Variants in TMEM135 observed in about 807,000 individuals in gnomAD.
The protein encoded by TMEM135 is transmembrane protein 135.
TMEM135 carries 30 observed loss-of-function variants against 60.3 expected under a neutral mutation model. The ratio of observed to expected loss-of-function variants is 0.50; its 90% CI spans 0.37 to 0.68. TMEM135 has a LOEUF of 0.68. TMEM135 is among the 30% of genes least tolerant of loss of function. The probability of loss-of-function intolerance (pLI) is 0.00; values close to 1 mark genes in which losing one functional copy is unlikely to be tolerated. For missense variants in TMEM135, 468 were observed against 548.8 expected (o/e 0.85, Z 1.47); for synonymous variants, 190 against 186.7 (o/e 1.02, Z -0.14).
chr11:87,308,973 C>G (rs1358347773), intron 9 of TMEM135, among the ~76,000 whole-genome samples: 2 of 152,094 alleles, frequency 1.3e-5, no homozygotes, highest in African/African-American at 4.8e-5. Context: ...AATTCTGCAC[C>G]CCCTGCCCCC....
chr11:87,111,059 T>C (rs1857731602), intron 4 of TMEM135, among the ~76,000 whole-genome samples: 1 of 150,462 alleles, frequency 6.6e-6, no homozygotes, highest in Non-Finnish European at 1.5e-5. Flanking sequence ...AAATAAGTCA[T>C]TGTTGAAGTC....
intron 14 of TMEM135, 68 bp downstream of exon 14, chr11:87,319,445 C>T (rs1942786326): frequency 4.3e-6 from 5 of 1,159,262 alleles, no homozygotes; most frequent in Admixed American, 3.5e-5. Flanking sequence ...AATATTCTTT[C>T]AGTGGTAAAG....
intron 4 of TMEM135, among the ~76,000 whole-genome samples, chr11:87,150,613 T>C (rs1173316321): frequency 6.6e-6 from 1 of 152,242 alleles, no homozygotes; most frequent in African/African-American, 2.4e-5. Flanking sequence ...CCTTATGTTT[T>C]TTTCATAGTT....
chr11:87,306,067 T>A, intron 9 of TMEM135, 62 bp downstream of exon 9: 7 of 947,752 alleles, frequency 7.4e-6, no homozygotes, highest in East Asian at 2.9e-5. Flanking sequence ...ATTATTTATT[T>A]ATTTAGAAAT....
rs763080911 is a variant in TMEM135 at position 87,321,396 on chromosome 11, A to G, written c.*63A>G. The G allele has an allele frequency of 2.2e-5, 34 of 1,578,330 alleles. No individual in the cohort carries two copies. In the Admixed American group the frequency reaches 5.5e-4, roughly 26 times the overall value. ...TCTTGAAGAGTTAATTATGTTGAAC[A>G]CAAAGGAGGGGGCCCAAGCTCGAAC... On this transcript the variant is annotated 3_prime_UTR_variant, in exon 15 of 15. Coordinates refer to ENST00000305494, the MANE Select transcript of TMEM135 (RefSeq NM_022918.4).
chr11:87,140,303 G>A (rs977262753), intron 4 of TMEM135, among the ~76,000 whole-genome samples: 19 of 152,196 alleles, frequency 1.2e-4, no homozygotes, highest in South Asian at 2.1e-4. Flanking sequence ...TCCTGACCTC[G>A]TGATCCGCCT....
intron 5 of TMEM135, among the ~76,000 whole-genome samples, chr11:87,211,884 C>T (rs1940378628): frequency 6.6e-6 from 1 of 151,694 alleles, no homozygotes; most frequent in Admixed American, 6.6e-5. Context: ...GTGGAGCTTG[C>T]AGTGAGCCGA....
chr11:87,200,814 T>A (rs1326753008), intron 5 of TMEM135, among the ~76,000 whole-genome samples: 1 of 152,212 alleles, frequency 6.6e-6, no homozygotes, highest in Non-Finnish European at 1.5e-5. Context: ...ATTGATCTTT[T>A]CACTGTCTTC....
intron 3 of TMEM135, among the ~76,000 whole-genome samples, chr11:87,073,671 TA>T (rs933868884): frequency 1.3e-5 from 2 of 152,090 alleles, no homozygotes; most frequent in African/African-American, 4.8e-5. Flanking sequence ...TTGTTTATTT[TA>T]TTTTTTTTTT....
chr11:87,196,887 A>G (rs1939973243), intron 5 of TMEM135, among the ~76,000 whole-genome samples: 1 of 152,174 alleles, frequency 6.6e-6, no homozygotes, highest in African/African-American at 2.4e-5. Context: ...AATTTAAATT[A>G]CTTTAAGAAT....
intron 4 of TMEM135, among the ~76,000 whole-genome samples, chr11:87,124,566 T>G (rs1226066295): frequency 6.6e-6 from 1 of 152,142 alleles, no homozygotes; most frequent in Non-Finnish European, 1.5e-5. Flanking sequence ...TTGAGTCAAG[T>G]GACATTCATG....
chr11:87,228,920 T>A (rs1940826719), intron 5 of TMEM135, among the ~76,000 whole-genome samples: 1 of 152,172 alleles, frequency 6.6e-6, no homozygotes, highest in Admixed American at 6.5e-5. Context: ...TTGCTACTGC[T>A]TGTGAGGCAT....
chr11:87,258,102 A>G (rs11235049), intron 6 of TMEM135, among the ~76,000 whole-genome samples: 53,498 of 151,552 alleles, frequency 0.35, 9,993 homozygotes, highest in Non-Finnish European at 0.42. Flanking sequence ...TATTTTCTGC[A>G]TATATTATAT....
At chr11:87,054,369 G>C (rs1441667168) in intron 1 of TMEM135, among the ~76,000 whole-genome samples, 3 of 152,180 alleles carry the variant, frequency 2.0e-5, no homozygotes, top group Non-Finnish European at 4.4e-5. Context: ...CGGAGGCAGA[G>C]GTTGCGATGA....
At chr11:87,078,089 T>C (rs1319254502) in intron 3 of TMEM135, among the ~76,000 whole-genome samples, 1 of 152,254 alleles carries the variant, frequency 6.6e-6, no homozygotes, top group Non-Finnish European at 1.5e-5. Flanking sequence ...TTTTCTGGAT[T>C]ATGTACTCAG....
Position 87,324,009 on chromosome 11 carries a change from T to G in TMEM135, c.*2676T>G, listed in dbSNP as rs1942873478. ...ATTTAGAATTTTATATTTTTTTGGC[T>G]CTCAGATTTTATAATGAACTTTTAT... On this transcript the variant is annotated 3_prime_UTR_variant, in exon 15 of 15. Transcript: ENST00000305494. The G allele has an allele frequency of 2.2e-6, 1 of 453,912 alleles. No individual in the cohort carries two copies. Among genetic ancestry groups the G allele is most frequent in the South Asian group, 1.6e-5 (1 of 64,342 alleles). 28.1% of individuals were successfully genotyped at this position (453,912 alleles called of 1,614,324 possible).
At chr11:87,081,685 T>TTTTTGATAGCTGAGGG (rs1856996288) in intron 3 of TMEM135, among the ~76,000 whole-genome samples, 1 of 29,810 alleles carries the variant, frequency 3.4e-5, no homozygotes, top group Non-Finnish European at 5.5e-5. Context: ...TAGCTGAGGG[T>TTTTTGATAGCTGAGGG]TTTTTTTTTT....
intron 4 of TMEM135, among the ~76,000 whole-genome samples, chr11:87,114,245 C>T: frequency 6.6e-6 from 1 of 151,994 alleles, no homozygotes; most frequent in Admixed American, 6.6e-5. Flanking sequence ...CTCAAGAATG[C>T]AACACAAAGA....
chr11:87,252,888 A>G (rs563164094), intron 6 of TMEM135, among the ~76,000 whole-genome samples: 2 of 152,072 alleles, frequency 1.3e-5, no homozygotes, highest in Admixed American at 6.6e-5. Flanking sequence ...ATATATACAG[A>G]TGAAATGAGG....
Sources: allele counts gnomAD v4.1 joint callset (sites outside exome capture counted in the v4.1 genomes callset), GRCh38; gene constraint gnomAD v4.1.1; transcripts MANE v1.5; gene names NCBI Gene and HGNC (gene_info 2026-07-23, HGNC 2026-07-21).